GCC2: variants seen among roughly 807,000 people sequenced by gnomAD.
The protein encoded by GCC2 is GRIP and coiled-coil domain-containing protein 2.
GCC2 carries 120 observed loss-of-function variants against 210.6 expected under a neutral mutation model. The ratio of observed to expected loss-of-function variants is 0.57; its 90% confidence interval spans 0.49 to 0.66. GCC2 has a LOEUF of 0.66. GCC2 is among the 30% of genes least tolerant of loss of function. The pLI, the probability that GCC2 is intolerant of heterozygous loss-of-function variation, is 0.00. For synonymous variants in GCC2, 703 were observed against 652.7 expected, an observed-to-expected ratio of 1.08 and a Z score of -1.17; for missense variants, 1,868 against 1,871.9, an observed-to-expected ratio of 1.00 and a Z score of 0.04.
chr2:108,453,911 TTC>T (rs1440304801), intron 4 of GCC2, among the ~76,000 whole-genome samples: 4 of 152,136 alleles, frequency 2.6e-5, no homozygotes, highest in African/African-American at 9.6e-5. Context: ...TCTGTAAAGT[TTC>T]TTTTACATCT....
At chr2:108,506,737 T>C (rs11123700) in intron 22 of GCC2, among the ~76,000 whole-genome samples, 58,242 of 152,002 alleles carry the variant, frequency 0.38, 12,675 homozygotes, top group East Asian at 0.89. Flanking sequence ...TTTTAAATCC[T>C]CTTATCGTCA....
chr2:108,486,917 C>CT lies in GCC2; in HGVS notation c.3930+276dup, dbSNP rs1001298597. 5.3e-5 allele frequency among the ~76,000 whole-genome samples: 8 copies of CT among 152,234 alleles called. No individual in the cohort carries two copies. The South Asian group carries it at 6.2e-4, about 12-fold the overall frequency. On this transcript the variant is annotated intron_variant, in intron 16 of 22. Coordinates refer to ENST00000309863, the MANE Select transcript of GCC2 (RefSeq NM_181453.4). ...ATTTATGTGTCACTTATTTATAAAACTTTTTTTATTAGAAACGTGTTACAG... is the reference window on the plus strand; with the variant it reads ...ATTTATGTGTCACTTATTTATAAAACTTTTTTTTATTAGAAACGTGTTACAG...
Position 108,484,232 on chromosome 2 carries a change from TAAA to T in GCC2, c.3537_3539del (p.Lys1179del). The T allele has an allele frequency of 6.3e-7, 1 of 1,580,530 alleles. No homozygotes were observed. The highest frequency in any genetic ancestry group is 8.6e-7 in the Non-Finnish European group (1 of 1,160,592). On this transcript the variant is annotated inframe_deletion, in exon 13 of 23. Transcript: ENST00000309863. ...AAGAACTAAATCAAAAGTTAACTAATAAAAACAACAAGATAGAAGATTTGGAGC... is the reference window on the plus strand; with the variant it reads ...AAGAACTAAATCAAAAGTTAACTAATAACAACAAGATAGAAGATTTGGAGC...
intron 7 of GCC2, among the ~76,000 whole-genome samples, chr2:108,474,560 G>A (rs1338926449): frequency 6.6e-6 from 1 of 152,170 alleles, no homozygotes; most frequent in Admixed American, 6.5e-5. Context: ...CTCTTTTCAA[G>A]GGATTTGCTA....
rs367728508 is a variant in GCC2 at position 108,471,837 on chromosome 2, T to A, written c.2508T>A (p.Tyr836Ter). 2 of 1,613,356 alleles carry A rather than the reference T, an allele frequency of 1.2e-6. No homozygotes were observed. The highest frequency in any genetic ancestry group is 2.7e-5 in the African/African-American group (2 of 74,872). ...CEELKSLLRDYEQEKVLLRKE... is the reference protein window; with the variant it reads ...CEELKSLLRD ...AACTTAAGTCTTTATTGAGAGACTA[T>A]GAGCAAGAGAAAGTTCTCTTAAGGA... The change falls in exon 6 of 23, where the codon TAT becomes TAA. Residue 836 changes from tyrosine (Y) to a stop codon, truncating the protein, a stop_gained. Coordinates refer to ENST00000309863, the MANE Select transcript of GCC2 (RefSeq NM_181453.4). LOFTEE classifies it high-confidence loss of function.
At position 108,449,703 on chromosome 2, in the gene GCC2, T is replaced by C; in HGVS notation, c.63+14T>C. On this transcript the variant is annotated intron_variant, in intron 2 of 22. Transcript: ENST00000309863. ...GGGAAATCTAAGGTGAAGAGAATACTTGAATAGCGGGCTTCCTGAAGAGTG... is the reference window on the plus strand; with the variant it reads ...GGGAAATCTAAGGTGAAGAGAATACCTGAATAGCGGGCTTCCTGAAGAGTG... The C allele has an allele frequency of 6.2e-7, 1 of 1,607,862 alleles. No individual in the cohort carries two copies. The highest frequency in any genetic ancestry group is 8.5e-7 in the Non-Finnish European group (1 of 1,174,416).
At chr2:108,458,497 A>G (rs1036380247) in intron 4 of GCC2, among the ~76,000 whole-genome samples, 27 of 148,512 alleles carry the variant, frequency 1.8e-4, no homozygotes, top group Admixed American at 5.5e-4. Context: ...TTTCAGGAGG[A>G]TTGGTATTAG....
chr2:108,485,171 T>TGGG (rs1682069393), intron 13 of GCC2, among the ~76,000 whole-genome samples: 1 of 75,718 alleles, frequency 1.3e-5, no homozygotes, highest in African/African-American at 5.2e-5. Flanking sequence ...GGGACTGTGG[T>TGGG]GGGGTGGGGG....
intron 22 of GCC2, among the ~76,000 whole-genome samples, chr2:108,504,653 G>T (rs376447860): frequency 2.6e-5 from 4 of 152,240 alleles, no homozygotes; most frequent in East Asian, 3.9e-4. Context: ...ATTTCAGGTA[G>T]ACTTATGGTA....
chr2:108,451,646 A>G (rs527334136), intron 3 of GCC2, among the ~76,000 whole-genome samples: 38 of 152,118 alleles, frequency 2.5e-4, no homozygotes, highest in Non-Finnish European at 3.8e-4. Flanking sequence ...TTGAATTTCC[A>G]GTGACTTATA....
chr2:108,468,252 G>A (rs563480430), intron 4 of GCC2, among the ~76,000 whole-genome samples: 2 of 152,024 alleles, frequency 1.3e-5, no homozygotes, highest in South Asian at 2.1e-4. Context: ...TTTTAGTAGA[G>A]ACAGAGTTTC....
At chr2:108,489,438 C>G (rs1466526544) in intron 17 of GCC2, among the ~76,000 whole-genome samples, 1 of 151,912 alleles carries the variant, frequency 6.6e-6, no homozygotes, top group Non-Finnish European at 1.5e-5. Flanking sequence ...TCACTTGAAC[C>G]TGGGAGGCGG....
chr2:108,502,862 G>A (rs1162760033), intron 22 of GCC2, among the ~76,000 whole-genome samples: 3 of 151,186 alleles, frequency 2.0e-5, no homozygotes, highest in African/African-American at 4.9e-5. Context: ...GGCAGAGGTT[G>A]CAGTGAGCTG....
chr2:108,454,424 A>C lies in GCC2; in HGVS notation c.216+1958A>C, dbSNP rs189540127. Reference sequence around the variant, plus strand: ...GTCACACAGTATCATTTTGTTCTTTATTTAGTTACAGTGTATGAAGCTAGA... The same window carrying C: ...GTCACACAGTATCATTTTGTTCTTTCTTTAGTTACAGTGTATGAAGCTAGA... On this transcript the variant is annotated intron_variant, in intron 4 of 22. Transcript: ENST00000309863. 4.9e-4 allele frequency among the ~76,000 whole-genome samples: 74 copies of C among 152,292 alleles called. No homozygotes were observed. In the East Asian group the frequency reaches 0.014, roughly 28 times the overall value.
intron 19 of GCC2, chr2:108,493,163 C>T (rs922865748): frequency 4.4e-5 from 12 of 274,824 alleles, no homozygotes; most frequent in Admixed American, 1.5e-4. Context: ...GATCTCGGCT[C>T]ACTGCAAGCT....
chr2:108,507,765 A>G lies in GCC2; in HGVS notation c.*135A>G. The stretch of plus-strand genomic sequence containing the variant: ...ACATATATTTGTACATCTATATGAC[A>G]GATGTATTTTAAAAGTTTCATCTTG... On this transcript the variant is annotated 3_prime_UTR_variant, in exon 23 of 23. Coordinates refer to ENST00000309863, the MANE Select transcript of GCC2 (RefSeq NM_181453.4). The G allele has an allele frequency of 1.6e-6, 1 of 642,960 alleles. No homozygotes were observed. Among genetic ancestry groups the G allele is most frequent in the Non-Finnish European group, 2.7e-6 (1 of 372,358 alleles). 39.8% of individuals were successfully genotyped at this position (642,960 alleles called of 1,614,324 possible).
intron 22 of GCC2, among the ~76,000 whole-genome samples, chr2:108,504,650 G>A (rs1158400498): frequency 1.3e-5 from 2 of 152,090 alleles, no homozygotes; most frequent in East Asian, 3.9e-4. Context: ...TCTATTTCAG[G>A]TAGACTTATG....
intron 4 of GCC2, among the ~76,000 whole-genome samples, chr2:108,457,128 AGTC>A (rs1680316808): frequency 6.6e-6 from 1 of 151,324 alleles, no homozygotes; most frequent in South Asian, 2.1e-4. Flanking sequence ...ATATAATATA[AGTC>A]TTTAATCTAT....
intron 4 of GCC2, among the ~76,000 whole-genome samples, chr2:108,467,876 A>C (rs1420311851): frequency 2.0e-5 from 3 of 152,178 alleles, no homozygotes. Flanking sequence ...GATAGAACTC[A>C]CCTTAAAAAC....
Sources: allele counts gnomAD v4.1 joint callset (sites outside exome capture counted in the v4.1 genomes callset), GRCh38; gene constraint gnomAD v4.1.1; transcripts MANE v1.5; gene names NCBI Gene and HGNC (gene_info 2026-07-23, HGNC 2026-07-21).